Variants in MYO1D observed in about 807,000 individuals in gnomAD.
The protein encoded by MYO1D is myosin ID, also known as unconventional myosin-Id.
MYO1D carries 83 observed loss-of-function variants against 122.0 expected under a neutral mutation model. That is an observed-to-expected ratio of 0.68 (90% CI 0.57 to 0.82). The LOEUF (loss-of-function observed/expected upper bound fraction) is 0.82, where lower values mean the gene tolerates loss of function less well. Among genes scored for constraint, MYO1D ranks in the 40% least tolerant of loss-of-function variants. The pLI is 0.00. For synonymous variants in MYO1D, 464 were observed against 446.9 expected, an observed-to-expected ratio of 1.04 and a Z score of -0.48; for missense variants, 1,157 against 1,269.5, an observed-to-expected ratio of 0.91 and a Z score of 1.35.
intron 4 of MYO1D, 28 bp downstream of exon 4, chr17:32,775,836 T>C (rs1274540071): frequency 3.2e-6 from 5 of 1,560,592 alleles, no homozygotes; most frequent in Non-Finnish European, 3.5e-6. Flanking sequence ...ACTTAAAACA[T>C]TACCCTCAGA....
At chr17:32,545,498 G>A (rs932142643) in intron 21 of MYO1D, among the ~76,000 whole-genome samples, 3 of 152,114 alleles carry the variant, frequency 2.0e-5, no homozygotes, top group African/African-American at 7.2e-5. Flanking sequence ...AACGTGAGAG[G>A]AGTGGAATAC....
At chr17:32,835,520 T>C (rs1482233242) in intron 1 of MYO1D, among the ~76,000 whole-genome samples, 1 of 152,206 alleles carries the variant, frequency 6.6e-6, no homozygotes, top group Non-Finnish European at 1.5e-5. Flanking sequence ...AATAGCATTG[T>C]CACAAAGAGC....
At chr17:32,580,299 T>C (rs1277980222) in intron 21 of MYO1D, among the ~76,000 whole-genome samples, 1 of 88,328 alleles carries the variant, frequency 1.1e-5, no homozygotes, top group African/African-American at 3.8e-5. Context: ...ATTTTTTTTT[T>C]TTTTTTTTTT....
chr17:32,717,406 T>C (rs1429398825), intron 15 of MYO1D, among the ~76,000 whole-genome samples: 2 of 152,248 alleles, frequency 1.3e-5, no homozygotes, highest in African/African-American at 2.4e-5. Flanking sequence ...TTACAATCAG[T>C]ACTTGTTTAG....
At chr17:32,608,662 G>A (rs967886297) in intron 20 of MYO1D, among the ~76,000 whole-genome samples, 1 of 152,182 alleles carries the variant, frequency 6.6e-6, no homozygotes, top group East Asian at 1.9e-4. Flanking sequence ...ATATCCTAGA[G>A]AAATAAAAAC....
chr17:32,796,958 T>G (rs1403445002), intron 1 of MYO1D, among the ~76,000 whole-genome samples: 1 of 152,008 alleles, frequency 6.6e-6, no homozygotes. Flanking sequence ...TAAAACTTAG[T>G]ACACTGCATC....
intron 21 of MYO1D, among the ~76,000 whole-genome samples, chr17:32,530,806 A>C (rs1910486536): frequency 6.6e-6 from 1 of 152,080 alleles, no homozygotes; most frequent in South Asian, 2.1e-4. Flanking sequence ...GTTGCTAAAA[A>C]TAATTTTTTT....
chr17:32,777,270 A>C (rs1251527447), intron 3 of MYO1D, among the ~76,000 whole-genome samples: 1 of 152,216 alleles, frequency 6.6e-6, no homozygotes, highest in African/African-American at 2.4e-5. Context: ...AATGCAGCCC[A>C]ATATGATGAA....
chr17:32,599,211 T>C (rs371151413), intron 21 of MYO1D, among the ~76,000 whole-genome samples: 1 of 152,216 alleles, frequency 6.6e-6, no homozygotes, highest in South Asian at 2.1e-4. Context: ...TAAGTTTATA[T>C]AATATTTTAG....
intron 21 of MYO1D, among the ~76,000 whole-genome samples, chr17:32,582,685 C>A (rs1465432608): frequency 2.0e-5 from 3 of 152,094 alleles, no homozygotes. Flanking sequence ...TGATAGTGTT[C>A]ACATTTTCTA....
At chr17:32,555,023 G>A (rs942837706) in intron 21 of MYO1D, among the ~76,000 whole-genome samples, 5 of 151,998 alleles carry the variant, frequency 3.3e-5, no homozygotes, top group African/African-American at 9.7e-5. Context: ...TTTTGACCCC[G>A]CAACTCTGTC....
At chr17:32,509,390 T>C (rs16967360) in intron 21 of MYO1D, among the ~76,000 whole-genome samples, 1 of 152,042 alleles carries the variant, frequency 6.6e-6, no homozygotes, top group Admixed American at 6.6e-5. Context: ...ATAAAAACAT[T>C]TGGTAGGATG....
chr17:32,689,021 G>A (rs2089060388), intron 16 of MYO1D, among the ~76,000 whole-genome samples: 1 of 151,550 alleles, frequency 6.6e-6, no homozygotes, highest in Non-Finnish European at 1.5e-5. Flanking sequence ...ATCCCAAAAC[G>A]TTAACAGTGA....
intron 17 of MYO1D, 63 bp from the exon 18 acceptor site, chr17:32,654,684 CTT>C (rs924664588): frequency 6.6e-5 from 72 of 1,083,322 alleles, no homozygotes; most frequent in South Asian, 3.0e-4. Context: ...TTCTCTCTCT[CTT>C]TTTTTTTTTC....
chr17:32,631,822 G>A (rs2088011373), intron 20 of MYO1D, among the ~76,000 whole-genome samples: 1 of 152,108 alleles, frequency 6.6e-6, no homozygotes, highest in Non-Finnish European at 1.5e-5. Context: ...AGTGTCACAA[G>A]ACAGAAATAA....
intron 21 of MYO1D, among the ~76,000 whole-genome samples, chr17:32,548,966 G>C (rs1029598079): frequency 6.6e-6 from 1 of 151,956 alleles, no homozygotes; most frequent in Non-Finnish European, 1.5e-5. Flanking sequence ...CACCTGCCTC[G>C]GCCTCCAAAG....
chr17:32,776,278 A>C (rs545987779), intron 3 of MYO1D, among the ~76,000 whole-genome samples: 1 of 152,362 alleles, frequency 6.6e-6, no homozygotes, highest in South Asian at 2.1e-4. Context: ...ATGTACTCAC[A>C]TGGAAATGTC....
In MYO1D at chr17:32,741,283, G is replaced by T. The variant is rs145912055; in HGVS notation, c.1614-2898C>A. Among the ~76,000 whole-genome samples the T allele has an allele frequency of 2.1e-3, 310 of 150,764 alleles. 1 individual carries two copies. Among genetic ancestry groups the T allele is most frequent in the Middle Eastern group, 0.01 (3 of 290 alleles). ...ATATTAACATATACAAAGAAAAAAT[G>T]GATTCAAATTTTGGAAGGTTATTAG... On this transcript the variant is annotated intron_variant, in intron 13 of 21. Transcript: ENST00000318217.
chr17:32,594,041 T>C (rs957920858), intron 21 of MYO1D, among the ~76,000 whole-genome samples: 7 of 152,248 alleles, frequency 4.6e-5, no homozygotes, highest in African/African-American at 1.7e-4. Flanking sequence ...CTCCTTCTTA[T>C]AGCCCACTTC....
Sources: gnomAD v4.1 joint callset for allele counts (sites outside exome capture counted in the v4.1 genomes callset) on GRCh38, gnomAD v4.1.1 for gene constraint, MANE v1.5 for transcripts, NCBI Gene and HGNC (gene_info 2026-07-23, HGNC 2026-07-21) for gene names.